The following PDE4B variants were observed in gnomAD, a reference collection of about 807,000 sequenced individuals.
PDE4B encodes the protein phosphodiesterase 4B, also known as 3',5'-cyclic-AMP phosphodiesterase 4B.
A neutral mutation model predicts 82.2 loss-of-function variants in PDE4B; 20 were observed. That is an observed-to-expected ratio of 0.24 (90% confidence interval 0.17 to 0.35). PDE4B has a LOEUF of 0.35. Among genes scored for constraint, PDE4B ranks in the 10% least tolerant of loss-of-function variants. The pLI is 1.00. For synonymous variants in PDE4B, 320 were observed against 318.9 expected (o/e 1.00, Z -0.04); for missense variants, 655 against 907.2 (o/e 0.72, Z 3.57).
At chr1:66,148,929 C>G (rs1387771283) in intron 3 of PDE4B, among the ~76,000 whole-genome samples, 1 of 152,164 alleles carries the variant, frequency 6.6e-6, no homozygotes, top group Non-Finnish European at 1.5e-5. Flanking sequence ...TGGGTTCTTT[C>G]TAGTTTTTGA....
At chr1:66,207,999 C>T (rs1649698607) in intron 3 of PDE4B, among the ~76,000 whole-genome samples, 1 of 152,116 alleles carries the variant, frequency 6.6e-6, no homozygotes, top group African/African-American at 2.4e-5. Flanking sequence ...TTGTGTGGCT[C>T]AATTACTTAG....
At chr1:65,804,080 C>T (rs971780992) in intron 1 of PDE4B, among the ~76,000 whole-genome samples, 1 of 152,064 alleles carries the variant, frequency 6.6e-6, no homozygotes, top group Non-Finnish European at 1.5e-5. Flanking sequence ...CATCATTTTC[C>T]TCTTTAGGCT....
chr1:66,017,778 T>C (rs1652860097), intron 3 of PDE4B, among the ~76,000 whole-genome samples: 1 of 152,124 alleles, frequency 6.6e-6, no homozygotes, highest in Non-Finnish European at 1.5e-5. Context: ...TGACTACAAC[T>C]ATTTGTGAGA....
chr1:66,327,490 A>G (rs1659824224), intron 7 of PDE4B, among the ~76,000 whole-genome samples: 1 of 152,188 alleles, frequency 6.6e-6, no homozygotes, highest in Non-Finnish European at 1.5e-5. Flanking sequence ...CTATTTTTCT[A>G]AATGTGCCTA....
At chr1:66,228,497 G>A (rs550966646) in intron 3 of PDE4B, among the ~76,000 whole-genome samples, 18 of 152,118 alleles carry the variant, frequency 1.2e-4, no homozygotes, top group Admixed American at 5.2e-4. Context: ...GGTGGTGGGC[G>A]CCTGTAGTCC....
At chr1:66,139,536 A>G (rs1176749259) in intron 3 of PDE4B, among the ~76,000 whole-genome samples, 4 of 152,132 alleles carry the variant, frequency 2.6e-5, no homozygotes, top group Admixed American at 2.6e-4. Context: ...GGATATTCCA[A>G]TATCGTCTTC....
chr1:66,197,684 T>G (rs2101511027), intron 3 of PDE4B, among the ~76,000 whole-genome samples: 1 of 152,296 alleles, frequency 6.6e-6, no homozygotes, highest in African/African-American at 2.4e-5. Flanking sequence ...CTCTATTCTG[T>G]GCAAATTCAT....
At chr1:65,851,702 T>C (rs1571016056) in intron 1 of PDE4B, among the ~76,000 whole-genome samples, 1 of 152,034 alleles carries the variant, frequency 6.6e-6, no homozygotes, top group African/African-American at 2.4e-5. Flanking sequence ...AATATAGTTA[T>C]TGATTCTAAA....
intron 7 of PDE4B, among the ~76,000 whole-genome samples, chr1:66,303,091 C>T (rs757013868): frequency 5.9e-5 from 9 of 152,074 alleles, no homozygotes; most frequent in Non-Finnish European, 1.0e-4. Flanking sequence ...TACTTATTCA[C>T]GAGTCATTCA....
chr1:66,129,587 G>A (rs918128363), intron 3 of PDE4B, among the ~76,000 whole-genome samples: 15 of 149,390 alleles, frequency 1.0e-4, no homozygotes, highest in Non-Finnish European at 1.9e-4. Flanking sequence ...GTGAACCCGG[G>A]AGGCGGAGCT....
chr1:66,312,302 G>C (rs899874903), intron 7 of PDE4B, among the ~76,000 whole-genome samples: 4 of 152,156 alleles, frequency 2.6e-5, no homozygotes, highest in African/African-American at 9.7e-5. Context: ...CACAAACTTA[G>C]TGGCTTAAAA....
At chr1:65,825,486 C>T (rs1646002994) in intron 1 of PDE4B, among the ~76,000 whole-genome samples, 1 of 152,112 alleles carries the variant, frequency 6.6e-6, no homozygotes, top group Admixed American at 6.6e-5. Flanking sequence ...CTAGATACAT[C>T]CTAATCGATA....
At chr1:66,354,590 T>C in intron 8 of PDE4B, 2 of 1,315,614 alleles carry the variant, frequency 1.5e-6, no homozygotes, top group Middle Eastern at 2.9e-4. Context: ...TGCTCCTTCG[T>C]GCAATTCCTG....
chr1:66,265,969 TG>T, intron 6 of PDE4B, 68 bp from the exon 7 acceptor site: 1 of 1,084,734 alleles, frequency 9.2e-7, no homozygotes, highest in Non-Finnish European at 1.4e-6. Context: ...ACCATGAGGG[TG>T]GGGTGTCGGG....
intron 7 of PDE4B, among the ~76,000 whole-genome samples, chr1:66,293,715 A>T (rs1291951943): frequency 5.3e-5 from 8 of 152,200 alleles, no homozygotes; most frequent in Admixed American, 5.2e-4. Flanking sequence ...CTTCAGAAAA[A>T]TCTTTAGAAA....
intron 3 of PDE4B, among the ~76,000 whole-genome samples, chr1:65,998,287 C>T (rs954431733): frequency 4.6e-5 from 7 of 152,042 alleles, no homozygotes; most frequent in African/African-American, 7.2e-5. Context: ...ACACATAGTT[C>T]ACTGGGGTTT....
Position 66,177,161 on chromosome 1 carries a change from G to T in PDE4B, c.282-70299G>T, listed in dbSNP as rs61798172. 2.7e-3 allele frequency among the ~76,000 whole-genome samples: 418 copies of T among 152,318 alleles called. 1 individual carries two copies. The highest frequency in any genetic ancestry group is 4.7e-3 in the Non-Finnish European group (322 of 68,018). ...AGAGAAAAACAAATGCAAATGAATG[G>T]AGACAGAAATGGGCAGGACTGGCTC... On this transcript the variant is annotated intron_variant, in intron 3 of 16. Transcript: ENST00000341517.
intron 3 of PDE4B, chr1:65,992,700 G>A: frequency 7.6e-7 from 1 of 1,310,960 alleles, no homozygotes; most frequent in Non-Finnish European, 9.7e-7. Context: ...GGCAAAGCCA[G>A]CCTGATAAAG....
intron 3 of PDE4B, among the ~76,000 whole-genome samples, chr1:66,220,952 C>T (rs1650936534): frequency 6.6e-6 from 1 of 152,034 alleles, no homozygotes. Flanking sequence ...TTAAAAGTAG[C>T]AGTAGCAATA....
Sources: allele counts gnomAD v4.1 joint callset (sites outside exome capture counted in the v4.1 genomes callset), GRCh38; gene constraint gnomAD v4.1.1; transcripts MANE v1.5; gene names NCBI Gene and HGNC (gene_info 2026-07-23, HGNC 2026-07-21).